Variants in ARL5C observed in about 807,000 individuals in gnomAD.
The protein encoded by ARL5C is ARF like GTPase 5C, also known as putative ADP-ribosylation factor-like protein 5C.
A neutral mutation model predicts 20.8 loss-of-function variants in ARL5C; 21 were observed. That is an observed-to-expected ratio of 1.01 (90% CI 0.72 to 1.46). The LOEUF is 1.46. Ranked by LOEUF, ARL5C falls within the 40% of genes most tolerant of loss-of-function variation. ARL5C has a pLI of 0.00. For synonymous variants in ARL5C, 71 were observed against 81.6 expected (o/e 0.87, Z 0.70); for missense variants, 199 against 225.1 (o/e 0.88, Z 0.74).
chr17:39,157,367 A>AGAGGTTCCCTACGC (rs1218278209), intron 5 of ARL5C, among the ~76,000 whole-genome samples: 3 of 152,196 alleles, frequency 2.0e-5, no homozygotes, highest in Admixed American at 6.5e-5. Context: ...TGTGCCAGAA[A>AGAGGTTCCCTACGC]GAGGTTCCCT....
rs375252863 is a variant in ARL5C, at chr17:39,165,688, C to A, written c.46+27G>T. 194 of 1,551,770 alleles carry A rather than the reference C, an allele frequency of 1.3e-4. No homozygotes were observed. In the African/African-American group the frequency reaches 2.0e-3, roughly 16 times the overall value. On this transcript the variant is annotated intron_variant, in intron 1 of 5. Coordinates refer to ENST00000269586, the MANE Select transcript of ARL5C (RefSeq NM_001143968.1). The stretch of plus-strand genomic sequence containing the variant: ...CAGAAGAGGGCGAGATCAAAGCGCT[C>A]GCTTGGATGCCCTGTGCGCCCCTTA...
chr17:39,157,957 G>T (rs1299953953), intron 5 of ARL5C, among the ~76,000 whole-genome samples: 30 of 151,740 alleles, frequency 2.0e-4, no homozygotes, highest in African/African-American at 1.2e-4. Context: ...AATTAACCGG[G>T]CGTGGTGGCT....
chr17:39,163,355 T>TTTCTTTCC (rs1448338116), intron 2 of ARL5C, among the ~76,000 whole-genome samples: 5 of 113,702 alleles, frequency 4.4e-5, no homozygotes, highest in Non-Finnish European at 8.2e-5. Flanking sequence ...CCTTTCTTTC[T>TTTCTTTCC]TTCTTTCTTT....
At chr17:39,162,913 GC>G in intron 2 of ARL5C, 55 bp from the exon 3 acceptor site, 1 of 1,528,738 alleles carries the variant, frequency 6.5e-7, no homozygotes. Flanking sequence ...CCCAACTCTG[GC>G]CCCCAAATGC....
chr17:39,164,535 T>G (rs2045453203), intron 2 of ARL5C, among the ~76,000 whole-genome samples: 1 of 152,218 alleles, frequency 6.6e-6, no homozygotes, highest in Non-Finnish European at 1.5e-5. Flanking sequence ...TCATTACATG[T>G]ATTACTTTTT....
intron 5 of ARL5C, among the ~76,000 whole-genome samples, chr17:39,157,518 A>C (rs975940456): frequency 1.3e-5 from 2 of 152,198 alleles, no homozygotes; most frequent in African/African-American, 2.4e-5. Flanking sequence ...GGCCAGGCGC[A>C]GTGGCTCACG....
intron 5 of ARL5C, among the ~76,000 whole-genome samples, chr17:39,158,185 GA>G (rs1426076582): frequency 6.6e-6 from 1 of 151,230 alleles, no homozygotes; most frequent in African/African-American, 2.4e-5. Context: ...GGGAGGGAAA[GA>G]AGGGAGGGAA....
At chr17:39,157,252 T>A (rs1041757368) in intron 5 of ARL5C, among the ~76,000 whole-genome samples, 3 of 152,148 alleles carry the variant, frequency 2.0e-5, no homozygotes, top group Admixed American at 1.3e-4. Context: ...CAGAGGCCTC[T>A]GGATGCCTGA....
At chr17:39,159,973 C>T (rs2045426163) in intron 5 of ARL5C, among the ~76,000 whole-genome samples, 1 of 152,216 alleles carries the variant, frequency 6.6e-6, no homozygotes, top group Non-Finnish European at 1.5e-5. Context: ...AGAACTAAAT[C>T]AGACCTATCC....
At chr17:39,157,819 C>A (rs558871755) in intron 5 of ARL5C, among the ~76,000 whole-genome samples, 11 of 148,492 alleles carry the variant, frequency 7.4e-5, no homozygotes, top group African/African-American at 2.7e-4. Context: ...AGTGGCCGGG[C>A]ACAGTGGCTC....
In ARL5C at chr17:39,161,333, C is replaced by T. The variant is rs753207809; in HGVS notation, c.274G>A (p.Asp92Asn). The T allele has an allele frequency of 2.6e-6, 4 of 1,551,818 alleles. No individual in the cohort carries two copies. In the African/African-American group the frequency reaches 5.5e-5, roughly 21 times the overall value. ...AGCAGCCGATCCCGGTCCGTGCTGT[C>T]AATCACAAGGATGATAAACTGGGCA... ...SNTEFIILVI[D>N]STDRDRLLTT... The change falls in exon 4 of 6, where the codon GAC becomes AAC. Residue 92 changes from aspartate (D) to asparagine (N), a missense_variant. Coordinates refer to ENST00000269586, the MANE Select transcript of ARL5C (RefSeq NM_001143968.1).
rs752091174 is a variant in ARL5C, at chr17:39,162,813, G to A, written c.153C>T (p.Asn51=). 2.1e-5 allele frequency: 33 copies of A among 1,551,388 alleles called. No homozygotes were observed. The highest frequency in any genetic ancestry group is 2.7e-5 in the African/African-American group (2 of 73,134). The part of the protein sequence containing the change: ...VVHMCPTIGS[N]VEEIILPKTH... Reference sequence around the variant, plus strand: ...TCTTCGGCAGAATGATCTCCTCCACGTTGCTGCCAATGGTGGGACACATAT... The same window carrying A: ...TCTTCGGCAGAATGATCTCCTCCACATTGCTGCCAATGGTGGGACACATAT... The change falls in exon 3 of 6, where the codon AAC becomes AAT. Residue 51 remains asparagine, a synonymous_variant. Coordinates refer to ENST00000269586, the MANE Select transcript of ARL5C (RefSeq NM_001143968.1).
At chr17:39,157,659 G>A (rs2045412088) in intron 5 of ARL5C, among the ~76,000 whole-genome samples, 1 of 151,996 alleles carries the variant, frequency 6.6e-6, no homozygotes, top group African/African-American at 2.4e-5. Flanking sequence ...GCATGTTGGC[G>A]CATGCCTGTA....
chr17:39,165,499 G>C, intron 1 of ARL5C: 1 of 616,500 alleles, frequency 1.6e-6, no homozygotes, highest in South Asian at 2.0e-5. Flanking sequence ...GGAGAAAGGA[G>C]GGTCGCCCAG....
At chr17:39,163,714 TTTTTC>T (rs2045449028) in intron 2 of ARL5C, among the ~76,000 whole-genome samples, 1 of 148,224 alleles carries the variant, frequency 6.7e-6, no homozygotes, top group Admixed American at 6.7e-5. Context: ...TTTTTTTTTT[TTTTTC>T]CTTGAGATGT....
chr17:39,165,479 C>T (rs1348369336), intron 1 of ARL5C: 1 of 600,244 alleles, frequency 1.7e-6, no homozygotes, highest in East Asian at 2.8e-5. Context: ...CCGCTGGCTC[C>T]GTTTAGCGGG....
chr17:39,157,937 C>CA lies in ARL5C; in HGVS notation c.492-996dup, dbSNP rs71141772. ...TGAAACACCGTCTCTACTAAAAATA[C>CA]AAAAAAAAAAATTAACCGGGCGTGG... On this transcript the variant is annotated intron_variant, in intron 5 of 5. Transcript: ENST00000269586. Among the ~76,000 whole-genome samples the CA allele has an allele frequency of 1.3e-3, 180 of 139,338 alleles. 1 individual carries two copies. In the East Asian group the frequency reaches 0.016, roughly 12 times the overall value. 91.4% of individuals were successfully genotyped at this position (139,338 alleles called of 152,430 possible). A position where few individuals can be genotyped will look rare whatever the true frequency, so the allele number is the denominator to read the frequency against.
At chr17:39,158,107 AGGAGGGAG>A (rs371365476) in intron 5 of ARL5C, among the ~76,000 whole-genome samples, 1,215 of 117,170 alleles carry the variant, frequency 0.01, 17 homozygotes, top group African/African-American at 0.034. Flanking sequence ...AAGAAAGGGA[AGGAGGGAG>A]GGAGGGAGGG....
In ARL5C at chr17:39,165,142, G is replaced by C. The variant is rs2045456462; in HGVS notation, c.47-3C>G. 5.8e-6 allele frequency: 9 copies of C among 1,551,022 alleles called. No homozygotes were observed. The highest frequency in any genetic ancestry group is 7.8e-6 in the Non-Finnish European group (9 of 1,146,766). On this transcript the variant is annotated splice_region_variant and splice_polypyrimidine_tract_variant and intron_variant, in intron 1 of 5. Coordinates refer to ENST00000269586, the MANE Select transcript of ARL5C (RefSeq NM_001143968.1). The stretch of plus-strand genomic sequence containing the variant: ...TCCCACGATGATGACCGTGTGCTCT[G>C]GAAGCGTCGGAGGAAGGGCAGCGTC...
Sources: gnomAD v4.1 joint callset for allele counts (sites outside exome capture counted in the v4.1 genomes callset) on GRCh38, gnomAD v4.1.1 for gene constraint, MANE v1.5 for transcripts, NCBI Gene and HGNC (gene_info 2026-07-23, HGNC 2026-07-21) for gene names.